The following LRRIQ3 variants were observed in gnomAD, a reference collection of about 807,000 sequenced individuals.
LRRIQ3 encodes the protein leucine rich repeats and IQ motif containing 3.
A neutral mutation model predicts 59.3 loss-of-function variants in LRRIQ3; 75 were observed. That is an observed-to-expected ratio of 1.26 (90% confidence interval 1.05 to 1.53). The LOEUF is 1.53. LRRIQ3 is among the 40% of genes most tolerant of loss of function. The pLI, the probability that LRRIQ3 is intolerant of heterozygous loss-of-function variation, is 0.00. For missense variants in LRRIQ3, 831 were observed against 710.0 expected (o/e 1.17, Z -1.94); for synonymous variants, 250 against 231.3 (o/e 1.08, Z -0.73).
At chr1:74,035,186 G>A (rs1181211928) in intron 7 of LRRIQ3, among the ~76,000 whole-genome samples, 2 of 151,958 alleles carry the variant, frequency 1.3e-5, no homozygotes, top group Non-Finnish European at 2.9e-5. Context: ...GCTAAGTTAC[G>A]TTTGATTATT....
In LRRIQ3 at chr1:74,198,135, T is replaced by C. The variant is rs1570304711; in HGVS notation, c.-140A>G. The C allele has an allele frequency of 4.1e-6, 6 of 1,458,598 alleles. No individual in the cohort carries two copies. Among genetic ancestry groups the C allele is most frequent in the South Asian group, 1.4e-5 (1 of 73,148 alleles). 90.4% of individuals were successfully genotyped at this position (1,458,598 alleles called of 1,614,324 possible). ...GACAACATCCAAGTTCTCCACATCA[T>C]GGTTTTCCGGGCGCCAGCCAAGGCG... is the stretch of plus-strand genomic sequence containing the variant. On this transcript the variant is annotated 5_prime_UTR_variant, in exon 1 of 8. The change abolishes an upstream ATG in the 5' untranslated region. Transcript: ENST00000354431.
At chr1:74,048,463 C>G (rs1195648548) in intron 6 of LRRIQ3, among the ~76,000 whole-genome samples, 2 of 152,098 alleles carry the variant, frequency 1.3e-5, no homozygotes, top group Non-Finnish European at 2.9e-5. Flanking sequence ...TCCCCCATAA[C>G]CTCCCAGCAG....
At chr1:74,139,357 C>T (rs1012332692) in intron 4 of LRRIQ3, among the ~76,000 whole-genome samples, 2 of 151,472 alleles carry the variant, frequency 1.3e-5, no homozygotes, top group African/African-American at 2.4e-5. Context: ...GAGGACTGGC[C>T]GCTATCCATG....
chr1:74,099,419 C>T (rs1366593810), intron 5 of LRRIQ3, among the ~76,000 whole-genome samples: 1 of 152,040 alleles, frequency 6.6e-6, no homozygotes, highest in Admixed American at 6.6e-5. Flanking sequence ...AATTAATAGC[C>T]TACCAACCAA....
At chr1:74,162,908 G>A (rs1459299134) in intron 3 of LRRIQ3, among the ~76,000 whole-genome samples, 1 of 151,486 alleles carries the variant, frequency 6.6e-6, no homozygotes, top group African/African-American at 2.4e-5. Flanking sequence ...TACATAGGAG[G>A]AATAAGTTCT....
At chr1:74,167,939 G>A (rs1649091297) in intron 3 of LRRIQ3, among the ~76,000 whole-genome samples, 1 of 151,956 alleles carries the variant, frequency 6.6e-6, no homozygotes, top group Non-Finnish European at 1.5e-5. Flanking sequence ...CACCCTGTAT[G>A]ATTTAAATTC....
intron 5 of LRRIQ3, among the ~76,000 whole-genome samples, chr1:74,099,326 G>A (rs913272509): frequency 1.4e-4 from 21 of 152,118 alleles, no homozygotes; most frequent in South Asian, 4.2e-4. Flanking sequence ...TAAATTCCTC[G>A]ACCCATACAC....
At chr1:74,106,891 T>C (rs1320790947) in intron 5 of LRRIQ3, among the ~76,000 whole-genome samples, 2 of 151,978 alleles carry the variant, frequency 1.3e-5, no homozygotes, top group African/African-American at 4.8e-5. Context: ...ACAACCACGC[T>C]TTAATACCTG....
chr1:74,030,293 G>T (rs1158394061), intron 7 of LRRIQ3, among the ~76,000 whole-genome samples: 1 of 152,012 alleles, frequency 6.6e-6, no homozygotes, highest in African/African-American at 2.4e-5. Context: ...AAAAGAGCCC[G>T]CAATGCCAAG....
At chr1:74,084,752 G>A (rs146919093) in intron 5 of LRRIQ3, among the ~76,000 whole-genome samples, 126 of 151,686 alleles carry the variant, frequency 8.3e-4, no homozygotes, top group African/African-American at 2.5e-3. Context: ...GGAATATGCC[G>A]TAAAAAGTTG....
chr1:74,180,111 C>T (rs1649889740), intron 3 of LRRIQ3: 1 of 151,942 alleles, frequency 6.6e-6, no homozygotes, highest in African/African-American at 2.4e-5. Flanking sequence ...TAACCCACCA[C>T]AATTTCATGT....
chr1:74,190,376 A>G (rs1420853505), intron 1 of LRRIQ3, among the ~76,000 whole-genome samples: 1 of 152,058 alleles, frequency 6.6e-6, no homozygotes, highest in Non-Finnish European at 1.5e-5. Flanking sequence ...AATGAAGAAT[A>G]CCTTTGAAGG....
intron 4 of LRRIQ3, among the ~76,000 whole-genome samples, chr1:74,149,900 A>G (rs183718953): frequency 1.3e-5 from 2 of 152,326 alleles, no homozygotes; most frequent in Admixed American, 1.3e-4. Context: ...AACAGTAGCC[A>G]AATTTCATAC....
chr1:74,171,249 T>C (rs1342945291), intron 3 of LRRIQ3, among the ~76,000 whole-genome samples: 2 of 152,208 alleles, frequency 1.3e-5, no homozygotes, highest in East Asian at 1.9e-4. Context: ...TAAAAGTTTT[T>C]CACTGTTGAG....
chr1:74,184,520 C>A (rs898908652), intron 1 of LRRIQ3, among the ~76,000 whole-genome samples: 17 of 152,102 alleles, frequency 1.1e-4, no homozygotes, highest in African/African-American at 4.1e-4. Flanking sequence ...TAAACTAAAT[C>A]AGTGTGATTC....
At chr1:74,162,858 G>A (rs929348516) in intron 3 of LRRIQ3, among the ~76,000 whole-genome samples, 1 of 151,628 alleles carries the variant, frequency 6.6e-6, no homozygotes, top group Non-Finnish European at 1.5e-5. Flanking sequence ...AGGGAAAGAA[G>A]AGATAGGAAA....
chr1:74,117,640 C>T (rs575791292), intron 4 of LRRIQ3, among the ~76,000 whole-genome samples: 7 of 152,106 alleles, frequency 4.6e-5, no homozygotes, highest in Non-Finnish European at 7.4e-5. Flanking sequence ...GTGATGCACA[C>T]CTGTAATCCC....
intron 5 of LRRIQ3, among the ~76,000 whole-genome samples, chr1:74,079,752 G>C (rs955835857): frequency 6.6e-6 from 1 of 151,806 alleles, no homozygotes; most frequent in Non-Finnish European, 1.5e-5. Context: ...CAGAAGGAAT[G>C]AGTGGAGATT....
chr1:74,056,635 T>C (rs537958594), intron 6 of LRRIQ3, among the ~76,000 whole-genome samples: 8 of 151,920 alleles, frequency 5.3e-5, no homozygotes, highest in African/African-American at 1.9e-4. Flanking sequence ...AAAAATAAAA[T>C]AACTAGAAAT....
Sources: allele counts gnomAD v4.1 joint callset (sites outside exome capture counted in the v4.1 genomes callset), GRCh38; gene constraint gnomAD v4.1.1; transcripts MANE v1.5; gene names NCBI Gene and HGNC (gene_info 2026-07-23, HGNC 2026-07-21).